Variants in SLC36A1 observed in about 807,000 individuals in gnomAD.
The protein encoded by SLC36A1 is proton-coupled amino acid transporter 1.
Under a neutral mutation model 47.5 loss-of-function variants are expected in SLC36A1, and 30 were observed. The observed-to-expected ratio is 0.63, with a 90% confidence interval of 0.47 to 0.86. The LOEUF is 0.86. Ranked by LOEUF, SLC36A1 falls within the 40% of genes least tolerant of loss-of-function variation. SLC36A1 has a pLI of 0.00. For missense variants in SLC36A1, 517 were observed against 606.0 expected, an observed-to-expected ratio of 0.85 and a Z score of 1.54; for synonymous variants, 255 against 249.7, an observed-to-expected ratio of 1.02 and a Z score of -0.20.
At chr5:151,527,861 C>G in the SLC36A1 span, 1 of 1,233,762 alleles carries the variant, frequency 8.1e-7, no homozygotes, top group Non-Finnish European at 1.1e-6. Flanking sequence ...ACAGAGAAAA[C>G]AAGTGAGAGA....
At chr5:151,549,191 A>G in the SLC36A1 span, 1 of 1,065,334 alleles carries the variant, frequency 9.4e-7, no homozygotes, top group East Asian at 2.6e-5. Context: ...CCAAGGCTTA[A>G]TGAGCTTGGT....
the SLC36A1 span, among the ~76,000 whole-genome samples, chr5:151,523,633 G>A: frequency 6.6e-6 from 1 of 152,154 alleles, no homozygotes; most frequent in Non-Finnish European, 1.5e-5. Context: ...TAGGCAGGAC[G>A]TGTGCCTGGG....
At chr5:151,436,217 C>G (rs7720672), upstream of SLC36A1, among the ~76,000 whole-genome samples, 955 of 152,264 alleles carry the variant, frequency 6.3e-3, 5 homozygotes, top group African/African-American at 0.022. Flanking sequence ...CAGAAAGTTT[C>G]TTTTTGCTTG....
chr5:151,347,573 G>A, the SLC36A1 span: 1 of 1,376,952 alleles, frequency 7.3e-7, no homozygotes, highest in South Asian at 1.2e-5. Context: ...GTGTGCCCGG[G>A]CTGGCTCTGG....
the SLC36A1 span, among the ~76,000 whole-genome samples, chr5:151,388,635 C>G: frequency 0.49 from 74,981 of 151,576 alleles, 20,541 homozygotes; most frequent in African/African-American, 0.75. Flanking sequence ...CATGGGCCAC[C>G]GTCACTAGTA....
intron 7 of SLC36A1, among the ~76,000 whole-genome samples, chr5:151,473,029 G>A (rs994616102): frequency 5.9e-5 from 9 of 152,136 alleles, no homozygotes; most frequent in African/African-American, 2.2e-4. Context: ...AAATAGCCGA[G>A]TGTGGTGGCA....
chr5:151,438,096 A>C (rs899974910), intron 1 of SLC36A1, among the ~76,000 whole-genome samples: 1 of 152,092 alleles, frequency 6.6e-6, no homozygotes, highest in Non-Finnish European at 1.5e-5. Context: ...TCATCACATC[A>C]GCAAAGTCCC....
chr5:151,441,868 C>T (rs896354571), intron 1 of SLC36A1, among the ~76,000 whole-genome samples: 3 of 152,136 alleles, frequency 2.0e-5, no homozygotes, highest in Admixed American at 2.0e-4. Flanking sequence ...TCATCACAAT[C>T]AAGATGGTGA....
chr5:151,554,747 ATAG>A, the SLC36A1 span: 8 of 1,148,430 alleles, frequency 7.0e-6, no homozygotes, highest in African/African-American at 3.1e-5. Flanking sequence ...CAACCTGGAA[ATAG>A]TAGTCACTTT....
At chr5:151,400,957 C>T in the SLC36A1 span, among the ~76,000 whole-genome samples, 1 of 152,086 alleles carries the variant, frequency 6.6e-6, no homozygotes, top group African/African-American at 2.4e-5. Flanking sequence ...TGAATATTTT[C>T]TCCCATTCTG....
At chr5:151,382,127 C>G in the SLC36A1 span, 1 of 883,216 alleles carries the variant, frequency 1.1e-6, no homozygotes, top group Non-Finnish European at 1.9e-6. Flanking sequence ...CAGAGCACGA[C>G]CCTTTCAAGC....
rs1020375026 is a variant in SLC36A1, at chr5:151,467,081, A to G, written c.420-118A>G. On this transcript the variant is annotated intron_variant, in intron 5 of 10. Coordinates refer to ENST00000243389, the MANE Select transcript of SLC36A1 (RefSeq NM_078483.4). Reference sequence around the variant, plus strand: ...CACTATGCAGTATATCCATTTAACAAAACAGCACTTGTACTCCCTAAATCT... The same window carrying G: ...CACTATGCAGTATATCCATTTAACAGAACAGCACTTGTACTCCCTAAATCT... The G allele has an allele frequency of 6.6e-6, 5 of 753,490 alleles. No individual in the cohort carries two copies. The Admixed American group carries it at 9.5e-5, about 14-fold the overall frequency. The allele number at this position is 753,490 out of a possible 1,614,324, so 46.7% of individuals were successfully genotyped here. A position where few individuals can be genotyped will look rare whatever the true frequency, so the allele number is the denominator to read the frequency against.
At chr5:151,533,392 C>T in the SLC36A1 span, among the ~76,000 whole-genome samples, 1 of 116,500 alleles carries the variant, frequency 8.6e-6, no homozygotes, top group Non-Finnish European at 1.7e-5. Flanking sequence ...TTGTTATCTC[C>T]AACACACACA....
chr5:151,474,447 A>G (rs191209210), intron 8 of SLC36A1, among the ~76,000 whole-genome samples: 3 of 152,282 alleles, frequency 2.0e-5, no homozygotes, highest in African/African-American at 4.8e-5. Context: ...CAAGGGCTTC[A>G]TCTCTTTGAG....
chr5:151,352,665 C>T, the SLC36A1 span, among the ~76,000 whole-genome samples: 1 of 152,178 alleles, frequency 6.6e-6, no homozygotes, highest in Non-Finnish European at 1.5e-5. Flanking sequence ...GTTCTTCTTC[C>T]TAGCTTCTAG....
rs892547625 is a variant in SLC36A1, at chr5:151,489,355, G to A, written c.*1101G>A. 1 of 152,660 alleles carries A rather than the reference G, an allele frequency of 6.6e-6. No homozygotes were observed. Among genetic ancestry groups the A allele is most frequent in the Non-Finnish European group, 1.5e-5 (1 of 68,058 alleles). The allele number at this position is 152,660 out of a possible 1,614,324, so 9.5% of individuals were successfully genotyped here. On this transcript the variant is annotated 3_prime_UTR_variant, in exon 11 of 11. Coordinates refer to ENST00000243389, the MANE Select transcript of SLC36A1 (RefSeq NM_078483.4). This position sits in a 1 kb window ranked among gnomAD's most constrained non-coding sequence, Gnocchi z 4.5. ...GGATCAGCAATGCTCTGTTGCCATC[G>A]TGCTGGGACGACACCAGCTCTATTG...
At chr5:151,505,761 C>T in the SLC36A1 span, 33 of 1,613,806 alleles carry the variant, frequency 2.0e-5, no homozygotes, top group South Asian at 2.7e-4. Flanking sequence ...GGGCCCTCCC[C>T]CTCCCTGCCG....
At chr5:151,526,010 C>G in the SLC36A1 span, 1 of 1,587,138 alleles carries the variant, frequency 6.3e-7, no homozygotes, top group Non-Finnish European at 8.6e-7. Flanking sequence ...GAATGAGTCC[C>G]GGTCCTTCCT....
the SLC36A1 span, chr5:151,510,309 T>C: frequency 9.8e-7 from 1 of 1,024,792 alleles, no homozygotes; most frequent in Non-Finnish European, 1.4e-6. Flanking sequence ...CTGTGCCCAA[T>C]ACCGTGCTGG....
Sources: allele counts gnomAD v4.1 joint callset (sites outside exome capture counted in the v4.1 genomes callset), GRCh38; gene constraint gnomAD v4.1.1; non-coding constraint Gnocchi (gnomAD v3.1); transcripts MANE v1.5; gene names NCBI Gene and HGNC (gene_info 2026-07-23, HGNC 2026-07-21).